The following VPS13A variants were observed in gnomAD, a reference collection of about 807,000 sequenced individuals.
VPS13A encodes the protein vacuolar protein sorting 13 homolog A, also known as intermembrane lipid transfer protein VPS13A.
In VPS13A, 264 loss-of-function variants were observed where a neutral mutation model predicts 390.9. The observed-to-expected ratio is 0.68, with a 90% CI of 0.61 to 0.75. VPS13A has a LOEUF of 0.75. VPS13A is among the 30% of genes least tolerant of loss of function. The pLI is 0.00. For missense variants in VPS13A, 3,409 were observed against 3,733.9 expected, an observed-to-expected ratio of 0.91 and a Z score of 2.27; for synonymous variants, 1,231 against 1,227.1, an observed-to-expected ratio of 1.00 and a Z score of -0.07.
chr9:77,386,699 ATTTTT>A (rs35125170), intron 68 of VPS13A, among the ~76,000 whole-genome samples: 2 of 141,758 alleles, frequency 1.4e-5, no homozygotes, highest in Admixed American at 7.1e-5. Context: ...TGTGCTCTTT[ATTTTT>A]TTTTTTTAAT....
At chr9:77,217,876 T>C (rs1436201200) in intron 10 of VPS13A, among the ~76,000 whole-genome samples, 1 of 151,926 alleles carries the variant, frequency 6.6e-6, no homozygotes, top group African/African-American at 2.4e-5. Context: ...TTTTTAGTTC[T>C]TTGTGAAGTA....
rs879199752 is a variant in VPS13A at position 77,210,695 on chromosome 9, A to C, written c.555+20A>C. On this transcript the variant is annotated intron_variant, in intron 7 of 71. Transcript: ENST00000360280. ...ATGCAGGTATTTTGTTTATAAAAGAATCTTAACCATATTTAATGTGCAATA... is the reference window on the plus strand; with the variant it reads ...ATGCAGGTATTTTGTTTATAAAAGACTCTTAACCATATTTAATGTGCAATA... 1.2e-6 allele frequency: 2 copies of C among 1,609,756 alleles called. No individual in the cohort carries two copies. Among genetic ancestry groups the C allele is most frequent in the South Asian group, 2.2e-5 (2 of 91,000 alleles).
chr9:77,385,931 T>C (rs1039662048), intron 68 of VPS13A, among the ~76,000 whole-genome samples: 2 of 152,018 alleles, frequency 1.3e-5, no homozygotes, highest in African/African-American at 4.8e-5. Context: ...CTGAAAAAAA[T>C]CAGCTTTTTT....
intron 15 of VPS13A, among the ~76,000 whole-genome samples, 193 bp downstream of exon 15, chr9:77,226,791 G>T (rs2131196436): frequency 6.6e-6 from 1 of 152,052 alleles, no homozygotes; most frequent in South Asian, 2.1e-4. Context: ...TAAAAATCAT[G>T]CTAGTGCTTA....
At chr9:77,191,783 G>T (rs578226999) in intron 1 of VPS13A, among the ~76,000 whole-genome samples, 1 of 152,278 alleles carries the variant, frequency 6.6e-6, no homozygotes, top group African/African-American at 2.4e-5. Context: ...AATTTGTTGA[G>T]AATTGCTTTA....
At chr9:77,325,568 CT>C (rs939936721) in intron 45 of VPS13A, among the ~76,000 whole-genome samples, 23 of 148,546 alleles carry the variant, frequency 1.5e-4, no homozygotes, top group African/African-American at 5.0e-4. Context: ...TTTGTTTTCT[CT>C]TTTTTTTTAT....
At chr9:77,252,601 CT>C (rs1825207005) in intron 22 of VPS13A, among the ~76,000 whole-genome samples, 1 of 152,174 alleles carries the variant, frequency 6.6e-6, no homozygotes, top group Non-Finnish European at 1.5e-5. Flanking sequence ...AACTGTTTCT[CT>C]TCCAAACTGA....
At chr9:77,261,236 T>C (rs1233790958) in intron 23 of VPS13A, among the ~76,000 whole-genome samples, 1 of 152,174 alleles carries the variant, frequency 6.6e-6, no homozygotes, top group Admixed American at 6.5e-5. Context: ...GAAATCATTA[T>C]ACACACTATT....
chr9:77,235,334 AT>A (rs71356597), intron 17 of VPS13A, among the ~76,000 whole-genome samples: 1 of 151,588 alleles, frequency 6.6e-6, no homozygotes, highest in African/African-American at 2.4e-5. Context: ...CTTGGTTGAC[AT>A]TTTTTTTCAT....
rs1192218580 is a variant in VPS13A, at chr9:77,418,828, C to G, written c.*2822C>G. The G allele has an allele frequency of 1.3e-5, 2 of 152,110 alleles. No homozygotes were observed. Among genetic ancestry groups the G allele is most frequent in the African/African-American group, 4.8e-5 (2 of 41,430 alleles). 9.4% of individuals were successfully genotyped at this position (152,110 alleles called of 1,614,324 possible). On this transcript the variant is annotated 3_prime_UTR_variant, in exon 72 of 72. Coordinates refer to ENST00000360280, the MANE Select transcript of VPS13A (RefSeq NM_033305.3). ...ATTGTTCCATTGAATATCTATGCAC[C>G]TAGCTCATCTCTTAGAAACATCCCA...
intron 31 of VPS13A, among the ~76,000 whole-genome samples, chr9:77,285,969 A>G (rs1320240700): frequency 1.3e-5 from 2 of 152,130 alleles, no homozygotes; most frequent in Admixed American, 1.3e-4. Context: ...ATGCTATTTA[A>G]CATGTTACTG....
intron 63 of VPS13A, among the ~76,000 whole-genome samples, chr9:77,369,667 T>C (rs754946227): frequency 1.3e-5 from 2 of 152,166 alleles, no homozygotes; most frequent in Non-Finnish European, 2.9e-5. Context: ...GTGGATAAAG[T>C]AGAAAGAAGA....
intron 54 of VPS13A, among the ~76,000 whole-genome samples, chr9:77,354,647 G>A (rs1831657410): frequency 6.6e-6 from 1 of 152,102 alleles, no homozygotes; most frequent in African/African-American, 2.4e-5. Flanking sequence ...AGCAGAGTTA[G>A]CAGAGCAAGA....
chr9:77,314,612 A>C lies in VPS13A; in HGVS notation c.4360A>C (p.Lys1454Gln). The C allele has an allele frequency of 6.2e-7, 1 of 1,612,318 alleles. No individual in the cohort carries two copies. Among genetic ancestry groups the C allele is most frequent in the Non-Finnish European group, 8.5e-7 (1 of 1,179,084 alleles). ...CTCAACATTTTCTTCCTTCTCATTA[A>C]AAAACTGTATTTTAGATGATAAAAG... is the stretch of plus-strand genomic sequence containing the variant. ...DGSTFSSFSL[K>Q]NCILDDKRPH... Residue 1454 changes from lysine (K) to glutamine (Q), a missense_variant, in exon 37 of 72, where the codon AAA becomes CAA. Lys to Gln is a moderately conservative substitution (Grantham distance 53). Transcript: ENST00000360280.
At chr9:77,293,959 A>G (rs1827826715) in intron 32 of VPS13A, among the ~76,000 whole-genome samples, 1 of 152,172 alleles carries the variant, frequency 6.6e-6, no homozygotes, top group African/African-American at 2.4e-5. Flanking sequence ...GCTGGAGTGT[A>G]GTGGCATGAT....
At chr9:77,271,014 A>G (rs1826323130) in intron 23 of VPS13A, among the ~76,000 whole-genome samples, 1 of 152,160 alleles carries the variant, frequency 6.6e-6, no homozygotes, top group African/African-American at 2.4e-5. Context: ...AATAAATTGG[A>G]CTTTATAAAA....
chr9:77,310,012 T>C (rs946702846), intron 35 of VPS13A, among the ~76,000 whole-genome samples: 6 of 152,280 alleles, frequency 3.9e-5, no homozygotes, highest in South Asian at 2.1e-4. Context: ...GAGGAATCTA[T>C]TCAGAATTCT....
intron 19 of VPS13A, among the ~76,000 whole-genome samples, chr9:77,244,024 G>C (rs1359235945): frequency 6.6e-6 from 1 of 152,120 alleles, no homozygotes; most frequent in Non-Finnish European, 1.5e-5. Flanking sequence ...GAACACTTGA[G>C]GTCAGGAGTT....
At chr9:77,229,374 A>T (rs1234216120) in intron 17 of VPS13A, among the ~76,000 whole-genome samples, 2 of 152,162 alleles carry the variant, frequency 1.3e-5, no homozygotes, top group Admixed American at 6.5e-5. Context: ...AGCCTGGCTC[A>T]TTCGAGAATA....
Sources: gnomAD v4.1 joint callset for allele counts (sites outside exome capture counted in the v4.1 genomes callset) on GRCh38, gnomAD v4.1.1 for gene constraint, MANE v1.5 for transcripts, NCBI Gene and HGNC (gene_info 2026-07-23, HGNC 2026-07-21) for gene names.